EYA1: variants seen among roughly 807,000 people sequenced by gnomAD.
EYA1 encodes EYA transcriptional coactivator and phosphatase 1.
A neutral mutation model predicts 82.0 loss-of-function variants in EYA1; 16 were observed. That is an observed-to-expected ratio of 0.20 (90% CI 0.13 to 0.30). EYA1 has a LOEUF of 0.30. Among genes scored for constraint, EYA1 ranks in the 10% least tolerant of loss-of-function variants. The pLI is 1.00. For missense variants in EYA1, 633 were observed against 730.7 expected (o/e 0.87, Z 1.54); for synonymous variants, 261 against 264.4 (o/e 0.99, Z 0.12).
intron 2 of EYA1, among the ~76,000 whole-genome samples, chr8:71,413,115 T>C (rs6472586): frequency 0.31 from 47,868 of 152,054 alleles, 7,804 homozygotes; most frequent in African/African-American, 0.41. Flanking sequence ...CACATTATTA[T>C]AAGGATGATA....
At chr8:71,468,180 A>T (rs573840897) in intron 2 of EYA1, among the ~76,000 whole-genome samples, 102 of 152,298 alleles carry the variant, frequency 6.7e-4, no homozygotes, top group Admixed American at 1.8e-3. Flanking sequence ...TTATTATTAG[A>T]AAGGCACCTT....
chr8:71,464,934 T>C (rs138640735), intron 2 of EYA1, among the ~76,000 whole-genome samples: 2 of 152,174 alleles, frequency 1.3e-5, no homozygotes, highest in Admixed American at 6.5e-5. Context: ...AGATTACAAC[T>C]TCCCCCTGAG....
chr8:71,260,315 T>A (rs1184638687), intron 11 of EYA1, among the ~76,000 whole-genome samples: 1 of 152,214 alleles, frequency 6.6e-6, no homozygotes, highest in Non-Finnish European at 1.5e-5. Context: ...CATTCTGACT[T>A]GGTCTCTACA....
chr8:71,442,393 T>C lies in EYA1; in HGVS notation c.34-85882A>G, dbSNP rs557926466. Among the ~76,000 whole-genome samples, 3 of 152,318 alleles carry C rather than the reference T, an allele frequency of 2.0e-5. No individual in the cohort carries two copies. In the East Asian group the frequency reaches 5.8e-4, roughly 29 times the overall value. ...CTAGATAATGGAATCTTATTTCTTG[T>C]TTGTATATGCTGTCATAACATTTAT... On this transcript the variant is annotated intron_variant, in intron 2 of 18. Coordinates refer to the EYA1 transcript ENST00000643681.
At position 71,396,035 on chromosome 8, in the gene EYA1, G is replaced by C. The variant is rs192740192; in HGVS notation, c.34-39524C>G. Among the ~76,000 whole-genome samples the C allele has an allele frequency of 6.4e-3, 974 of 152,116 alleles. 11 individuals carry two copies. The highest frequency in any genetic ancestry group is 0.023 in the African/African-American group (940 of 41,504). On this transcript the variant is annotated intron_variant, in intron 2 of 18. Coordinates refer to the EYA1 transcript ENST00000643681. ...TTAGTCTTGGGAGGGTGTATGTGTC[G>C]AGGAATTTATCCATTTCTTCTAGAT...
intron 2 of EYA1, among the ~76,000 whole-genome samples, chr8:71,467,219 T>C (rs1349877326): frequency 6.6e-6 from 1 of 152,108 alleles, no homozygotes; most frequent in Non-Finnish European, 1.5e-5. Flanking sequence ...CCATATGTTT[T>C]TAAACATACA....
At chr8:71,479,624 A>G (rs1476165330) in intron 2 of EYA1, among the ~76,000 whole-genome samples, 1 of 24,950 alleles carries the variant, frequency 4.0e-5, no homozygotes, top group Non-Finnish European at 6.1e-5. Flanking sequence ...TTTCTTTATG[A>G]AAAAAAAAAA....
intron 2 of EYA1, among the ~76,000 whole-genome samples, chr8:71,494,793 T>C (rs1417621225): frequency 2.6e-5 from 4 of 152,106 alleles, no homozygotes; most frequent in Non-Finnish European, 5.9e-5. Flanking sequence ...AAATACCCTG[T>C]AAATAACTGA....
chr8:71,204,428 G>C (rs116794696), intron 17 of EYA1, among the ~76,000 whole-genome samples: 2,582 of 152,306 alleles, frequency 0.017, 46 homozygotes, highest in African/African-American at 0.046. Context: ...TATACCCTCT[G>C]ACTTAATTAT....
intron 12 of EYA1, among the ~76,000 whole-genome samples, chr8:71,239,205 C>T (rs75755966): frequency 0.022 from 3,400 of 152,164 alleles, 70 homozygotes; most frequent in Middle Eastern, 0.037. Flanking sequence ...AAACTCAATA[C>T]GCATTTATTA....
intron 11 of EYA1, among the ~76,000 whole-genome samples, chr8:71,245,476 T>G: frequency 6.6e-6 from 1 of 151,950 alleles, no homozygotes; most frequent in East Asian, 1.9e-4. Context: ...TCCGCCTGCC[T>G]CAGCCTCCCA....
intron 12 of EYA1, among the ~76,000 whole-genome samples, chr8:71,219,378 A>T (rs1809604996): frequency 6.6e-6 from 1 of 152,158 alleles, no homozygotes; most frequent in African/African-American, 2.4e-5. Flanking sequence ...ATTAAAAGAG[A>T]TTTAAAAATC....
chr8:71,353,952 A>G (rs1249995169), intron 3 of EYA1, among the ~76,000 whole-genome samples: 1 of 152,172 alleles, frequency 6.6e-6, no homozygotes, highest in African/African-American at 2.4e-5. Context: ...TAATTTTTCA[A>G]TAGACTAGAG....
intron 16 of EYA1, among the ~76,000 whole-genome samples, chr8:71,213,000 C>T (rs1473917091): frequency 5.3e-5 from 8 of 152,100 alleles, no homozygotes; most frequent in African/African-American, 9.7e-5. Context: ...ATCACTTGAA[C>T]CCAGGAGGCA....
At chr8:71,482,049 C>T (rs28664571) in intron 2 of EYA1, among the ~76,000 whole-genome samples, 7,084 of 151,966 alleles carry the variant, frequency 0.047, 535 homozygotes, top group African/African-American at 0.16. Context: ...AAAAAGTTAG[C>T]CTTCATTAAA....
intron 2 of EYA1, among the ~76,000 whole-genome samples, chr8:71,388,172 C>T (rs1829070734): frequency 6.6e-6 from 1 of 152,148 alleles, no homozygotes; most frequent in Non-Finnish European, 1.5e-5. Flanking sequence ...CCTAATCCTG[C>T]CACACTCCAA....
At chr8:71,499,472 C>A (rs745395215) in intron 2 of EYA1, among the ~76,000 whole-genome samples, 1 of 152,064 alleles carries the variant, frequency 6.6e-6, no homozygotes, top group Non-Finnish European at 1.5e-5. Context: ...TACTAGATGA[C>A]GGAGCTAGGG....
intron 4 of EYA1, among the ~76,000 whole-genome samples, chr8:71,331,742 T>C (rs1439512330): frequency 6.6e-6 from 1 of 152,214 alleles, no homozygotes; most frequent in Non-Finnish European, 1.5e-5. Flanking sequence ...AGACACGTTT[T>C]AAAAATAATT....
rs192663529 is a variant in EYA1 at position 71,470,922 on chromosome 8, T to G, written c.33+64822A>C. The G allele has an allele frequency of 2.4e-4, 109 of 454,096 alleles. No homozygotes were observed. In the East Asian group the frequency reaches 4.8e-3, roughly 20 times the overall value. The allele number at this position is 454,096 out of a possible 1,614,324, so 28.1% of individuals were successfully genotyped here. On this transcript the variant is annotated intron_variant, in intron 2 of 18. Coordinates refer to the EYA1 transcript ENST00000643681. The stretch of plus-strand genomic sequence containing the variant: ...AATGTCGTAACATATTGAACAGCAG[T>G]GCCAATGGGCTTTAAAAAAAAAAGG...
Sources: gnomAD v4.1 joint callset for allele counts (sites outside exome capture counted in the v4.1 genomes callset) on GRCh38, gnomAD v4.1.1 for gene constraint, MANE v1.5 for transcripts, NCBI Gene and HGNC (gene_info 2026-07-23, HGNC 2026-07-21) for gene names.